Variants in NRF1 observed in about 807,000 individuals in gnomAD.
NRF1 encodes alpha palindromic-binding protein.
Under a neutral mutation model 58.5 loss-of-function variants are expected in NRF1, and 5 were observed. That is an observed-to-expected ratio of 0.09 (90% CI 0.04 to 0.18). The LOEUF (loss-of-function observed/expected upper bound fraction) is 0.18. NRF1 is among the 10% of genes least tolerant of loss of function. The pLI, the probability that NRF1 is intolerant of heterozygous loss-of-function variation, is 1.00. For synonymous variants in NRF1, 224 were observed against 246.7 expected, an observed-to-expected ratio of 0.91 and a Z score of 0.86; for missense variants, 288 against 657.7, an observed-to-expected ratio of 0.44 and a Z score of 6.15.
chr7:129,671,343 G>A (rs1265154941), intron 2 of NRF1, 86 bp from the exon 3 acceptor site: 3 of 737,714 alleles, frequency 4.1e-6, no homozygotes, highest in Non-Finnish European at 7.0e-6. Flanking sequence ...GGAAAGCAGT[G>A]CTACCTTTTT....
At chr7:129,738,119 C>G (rs943606885) in intron 10 of NRF1, among the ~76,000 whole-genome samples, 1 of 152,242 alleles carries the variant, frequency 6.6e-6, no homozygotes, top group Non-Finnish European at 1.5e-5. Flanking sequence ...TCAGACTGCG[C>G]TGAGGCATCG....
chr7:129,689,822 G>A (rs1802523932), intron 4 of NRF1, among the ~76,000 whole-genome samples: 1 of 152,218 alleles, frequency 6.6e-6, no homozygotes, highest in South Asian at 2.1e-4. Context: ...TTTGGCCCGG[G>A]CCTTACCAGT....
intron 1 of NRF1, among the ~76,000 whole-genome samples, chr7:129,646,685 C>T (rs1200658015): frequency 6.6e-6 from 1 of 152,160 alleles, no homozygotes; most frequent in Non-Finnish European, 1.5e-5. Flanking sequence ...ATGAAAACAG[C>T]AAAGAAATCC....
chr7:129,634,059 T>TACACACACACAC (rs1358874411), intron 1 of NRF1, among the ~76,000 whole-genome samples: 3 of 124,824 alleles, frequency 2.4e-5, no homozygotes, highest in South Asian at 5.0e-4. Context: ...TATATATATA[T>TACACACACACAC]ATACACACAC....
intron 7 of NRF1, among the ~76,000 whole-genome samples, chr7:129,710,876 C>T (rs1377763276): frequency 1.3e-5 from 2 of 151,856 alleles, no homozygotes; most frequent in Non-Finnish European, 1.5e-5. Context: ...CTCCCGGGCT[C>T]AAGTGATTCT....
intron 1 of NRF1, among the ~76,000 whole-genome samples, chr7:129,619,253 C>G (rs898100269): frequency 1.1e-4 from 16 of 150,498 alleles, no homozygotes; most frequent in Non-Finnish European, 5.9e-5. Context: ...GTGTGAAATA[C>G]CACAGAGTTC....
chr7:129,685,822 G>A (rs1469680026), intron 4 of NRF1, among the ~76,000 whole-genome samples: 3 of 151,856 alleles, frequency 2.0e-5, no homozygotes, highest in Non-Finnish European at 4.4e-5. Context: ...ATTTGGATAA[G>A]AAGCAGATTT....
At chr7:129,677,958 A>G (rs1213304273) in intron 4 of NRF1, among the ~76,000 whole-genome samples, 200 bp downstream of exon 4, 1 of 105,878 alleles carries the variant, frequency 9.4e-6, no homozygotes, top group Non-Finnish European at 1.9e-5. Flanking sequence ...ACGTCAAGGT[A>G]TTTTACCTCC....
intron 5 of NRF1, among the ~76,000 whole-genome samples, chr7:129,703,291 C>T (rs1007025109): frequency 2.0e-5 from 3 of 152,088 alleles, no homozygotes; most frequent in Non-Finnish European, 4.4e-5. Flanking sequence ...TGTTCCAGCT[C>T]AATTAAAGGA....
At chr7:129,679,404 AAT>A (rs1325140375) in intron 4 of NRF1, among the ~76,000 whole-genome samples, 2 of 152,228 alleles carry the variant, frequency 1.3e-5, no homozygotes, top group Non-Finnish European at 2.9e-5. Flanking sequence ...ATATGTAGAG[AAT>A]ATATAAAGAA....
chr7:129,748,879 T>G (rs897044999), intron 10 of NRF1, among the ~76,000 whole-genome samples: 2 of 152,216 alleles, frequency 1.3e-5, no homozygotes, highest in African/African-American at 4.8e-5. Flanking sequence ...AATAGGCAAG[T>G]GATGAAACTC....
At chr7:129,613,919 C>T (rs1307794028) in intron 1 of NRF1, among the ~76,000 whole-genome samples, 2 of 151,960 alleles carry the variant, frequency 1.3e-5, no homozygotes, top group Non-Finnish European at 2.9e-5. Context: ...GAGACTTCAT[C>T]TAAAAAAACA....
chr7:129,638,585 T>C (rs1801220910), intron 1 of NRF1, among the ~76,000 whole-genome samples: 1 of 152,230 alleles, frequency 6.6e-6, no homozygotes, highest in Admixed American at 6.5e-5. Context: ...GAGAAAGTGG[T>C]ATTGAGAAAA....
At chr7:129,614,443 T>TGTGTGTGTG (rs71527915) in intron 1 of NRF1, among the ~76,000 whole-genome samples, 1 of 145,744 alleles carries the variant, frequency 6.9e-6, no homozygotes, top group Non-Finnish European at 1.5e-5. Flanking sequence ...AAATATGTAT[T>TGTGTGTGTG]TGTGTGTGTG....
intron 10 of NRF1, among the ~76,000 whole-genome samples, chr7:129,736,476 C>T (rs1210923420): frequency 6.6e-6 from 1 of 151,844 alleles, no homozygotes; most frequent in East Asian, 1.9e-4. Flanking sequence ...AGGCTGGTCT[C>T]GAACTCCTGA....
At chr7:129,662,004 A>C (rs963591892) in intron 2 of NRF1, among the ~76,000 whole-genome samples, 14 of 150,760 alleles carry the variant, frequency 9.3e-5, no homozygotes, top group Admixed American at 8.5e-4. Context: ...TACATGGATA[A>C]CAGCAGTCAA....
chr7:129,614,597 A>C (rs1800624060), intron 1 of NRF1, among the ~76,000 whole-genome samples: 1 of 151,972 alleles, frequency 6.6e-6, no homozygotes, highest in Non-Finnish European at 1.5e-5. Context: ...GACTATAGGC[A>C]AGTGCCACCG....
intron 5 of NRF1, among the ~76,000 whole-genome samples, chr7:129,695,584 A>AC (rs1211597874): frequency 6.6e-6 from 1 of 151,056 alleles, no homozygotes; most frequent in Non-Finnish European, 1.5e-5. Context: ...TCAAAAAAAA[A>AC]AAAACAAAAA....
At chr7:129,645,825 C>T (rs1801393281) in intron 1 of NRF1, among the ~76,000 whole-genome samples, 1 of 152,144 alleles carries the variant, frequency 6.6e-6, no homozygotes, top group Non-Finnish European at 1.5e-5. Flanking sequence ...TGTCCCATTT[C>T]TGTCTGTGTG....
Sources: gnomAD v4.1 joint callset for allele counts (sites outside exome capture counted in the v4.1 genomes callset) on GRCh38, gnomAD v4.1.1 for gene constraint, MANE v1.5 for transcripts, NCBI Gene and HGNC (gene_info 2026-07-23, HGNC 2026-07-21) for gene names.